GSAP: variants seen among roughly 807,000 people sequenced by gnomAD.
The protein encoded by GSAP is gamma-secretase activating protein.
GSAP carries 118 observed loss-of-function variants against 131.7 expected under a neutral mutation model. That is an observed-to-expected ratio of 0.90 (90% CI 0.77 to 1.04). The LOEUF (loss-of-function observed/expected upper bound fraction) is 1.04. GSAP is among the 50% of genes least tolerant of loss of function. GSAP has a pLI of 0.00. For synonymous variants in GSAP, 381 were observed against 363.4 expected, an observed-to-expected ratio of 1.05 and a Z score of -0.55; for missense variants, 1,019 against 1,013.2, an observed-to-expected ratio of 1.01 and a Z score of -0.08.
At position 77,325,391 on chromosome 7, in the gene GSAP, T is replaced by C. The variant is rs1053550191; in HGVS notation, c.1827+821A>G. 2.0e-5 allele frequency among the ~76,000 whole-genome samples: 3 copies of C among 152,356 alleles called. No homozygotes were observed. In the South Asian group the frequency reaches 6.2e-4, roughly 32 times the overall value. ...TTATCCCATTCTTAAGTCCACATGG[T>C]ATTAAAAAATATCTTATTAGGCTTT... On this transcript the variant is annotated intron_variant, in intron 23 of 30. Transcript: ENST00000257626.
intron 20 of GSAP, 53 bp from the exon 21 acceptor site, chr7:77,329,444 T>G (rs1352385320): frequency 3.0e-6 from 3 of 989,898 alleles, no homozygotes; most frequent in Non-Finnish European, 4.6e-6. Context: ...TATCGGTGAC[T>G]TTTCACGTCA....
chr7:77,323,566 G>C (rs1305539265), intron 24 of GSAP, 81 bp downstream of exon 24: 1 of 629,938 alleles, frequency 1.6e-6, no homozygotes, highest in Non-Finnish European at 2.8e-6. Flanking sequence ...ACACATAAAT[G>C]GGTTCCCTGC....
rs71085450 is a variant in GSAP at position 77,371,431 on chromosome 7, CTTTTTTTTT to C, written c.871+2630_871+2638del. ...CTCCAATCCGTCCTCCATCTTTTTT[CTTTTTTTTT>C]TTTTTTTTTTTTAAGACAGAGTCTT... On this transcript the variant is annotated intron_variant, in intron 12 of 30. Coordinates refer to ENST00000257626, the MANE Select transcript of GSAP (RefSeq NM_017439.4). Among the ~76,000 whole-genome samples, 19 of 142,982 alleles carry C rather than the reference CTTTTTTTTT, an allele frequency of 1.3e-4. 1 individual carries two copies. Among genetic ancestry groups the C allele is most frequent in the Admixed American group, 5.6e-4 (8 of 14,376 alleles). The allele number at this position is 142,982 out of a possible 152,430, so 93.8% of individuals were successfully genotyped here.
intron 19 of GSAP, among the ~76,000 whole-genome samples, chr7:77,340,478 A>T (rs1396683357): frequency 1.3e-5 from 2 of 152,146 alleles, no homozygotes; most frequent in Non-Finnish European, 2.9e-5. Context: ...CCTCAGACCA[A>T]CCAGCCCAAG....
rs753610221 is a variant in GSAP at position 77,375,041 on chromosome 7, A to T, written c.785+17T>A. On this transcript the variant is annotated intron_variant, in intron 11 of 30. Coordinates refer to ENST00000257626, the MANE Select transcript of GSAP (RefSeq NM_017439.4). Reference sequence around the variant, plus strand: ...CAAGTATCTATAAAAATTAGTAACAACCTATGAATAACTTACTTAAATCCT... The same window carrying T: ...CAAGTATCTATAAAAATTAGTAACATCCTATGAATAACTTACTTAAATCCT... 26 of 1,262,744 alleles carry T rather than the reference A, an allele frequency of 2.1e-5. No individual in the cohort carries two copies. The highest frequency in any genetic ancestry group is 2.7e-5 in the Non-Finnish European group (24 of 873,500). 78.2% of individuals were successfully genotyped at this position (1,262,744 alleles called of 1,614,324 possible). A position where few individuals can be genotyped will look rare whatever the true frequency, so the allele number is the denominator to read the frequency against.
intron 8 of GSAP, among the ~76,000 whole-genome samples, chr7:77,380,660 T>C (rs1489490288): frequency 6.6e-6 from 1 of 151,614 alleles, no homozygotes; most frequent in Admixed American, 6.6e-5. Flanking sequence ...AGATTAGTAT[T>C]AGTGTGGAAA....
chr7:77,397,428 A>G lies in GSAP; in HGVS notation c.244-13T>C, dbSNP rs750281066. On this transcript the variant is annotated splice_polypyrimidine_tract_variant and intron_variant, in intron 3 of 30. Coordinates refer to ENST00000257626, the MANE Select transcript of GSAP (RefSeq NM_017439.4). Reference sequence around the variant, plus strand: ...AGGTATATAGAAGCTATTAAAACAAAAATATTTTTTAATTTGAAGTTTCAT... The same window carrying G: ...AGGTATATAGAAGCTATTAAAACAAGAATATTTTTTAATTTGAAGTTTCAT... 6.9e-7 allele frequency: 1 copy of G among 1,451,646 alleles called. No homozygotes were observed. The highest frequency in any genetic ancestry group is 1.2e-5 in the South Asian group (1 of 83,420). 89.9% of individuals were successfully genotyped at this position (1,451,646 alleles called of 1,614,324 possible). A position where few individuals can be genotyped will look rare whatever the true frequency, so the allele number is the denominator to read the frequency against.
intron 22 of GSAP, chr7:77,328,204 G>A: frequency 1.0e-6 from 1 of 1,001,644 alleles, no homozygotes; most frequent in Non-Finnish European, 1.2e-6. Flanking sequence ...GGACCTGTGT[G>A]CCCAATTTTT....
intron 26 of GSAP, chr7:77,315,224 A>C (rs145183213): frequency 6.6e-6 from 1 of 152,410 alleles, no homozygotes; most frequent in Non-Finnish European, 1.5e-5. Flanking sequence ...AATTCCTATC[A>C]GTGGAAATGA....
At chr7:77,324,826 CTTTTTT>C (rs150930764) in intron 23 of GSAP, among the ~76,000 whole-genome samples, 3 of 97,312 alleles carry the variant, frequency 3.1e-5, no homozygotes, top group African/African-American at 8.8e-5. Context: ...GTTTGCCATA[CTTTTTT>C]TTTTTTTTTT....
chr7:77,318,980 G>T (rs1236097109), intron 26 of GSAP, among the ~76,000 whole-genome samples: 1 of 151,628 alleles, frequency 6.6e-6, no homozygotes, highest in African/African-American at 2.4e-5. Context: ...ATGAGTTAAT[G>T]GATGCAGCAT....
chr7:77,379,814 G>C, intron 8 of GSAP: 2 of 970,582 alleles, frequency 2.1e-6, no homozygotes, highest in Non-Finnish European at 2.4e-6. Flanking sequence ...AGCCCCTGCG[G>C]GACAATGGTA....
intron 16 of GSAP, among the ~76,000 whole-genome samples, chr7:77,353,926 G>A (rs79500123): frequency 0.038 from 5,796 of 152,170 alleles, 375 homozygotes; most frequent in African/African-American, 0.13. Context: ...AATAGGTCAT[G>A]TTATAGCAAA....
chr7:77,353,013 C>T lies in GSAP; in HGVS notation c.1422G>A (p.Trp474Ter). Residue 474 changes from tryptophan (W) to a stop codon, truncating the protein, a stop_gained, in exon 18 of 31, where the codon TGG becomes TGA. Coordinates refer to ENST00000257626, the MANE Select transcript of GSAP (RefSeq NM_017439.4). LOFTEE classifies it high-confidence loss of function. ...TGTTACTTGTCTCTGAATATACACT[C>T]CAGTATGAAGAAGCTGAGTAGATTT... ...IQEFIIASSYWSVYSETSNMD... is the reference protein window; with the variant it reads ...IQEFIIASSY 6.3e-7 allele frequency: 1 copy of T among 1,597,246 alleles called. No homozygotes were observed. The highest frequency in any genetic ancestry group is 8.6e-7 in the Non-Finnish European group (1 of 1,165,138).
intron 1 of GSAP, among the ~76,000 whole-genome samples, chr7:77,413,179 A>C (rs1000176532): frequency 6.6e-6 from 1 of 152,236 alleles, no homozygotes; most frequent in African/African-American, 2.4e-5. Context: ...GAAGGAAGCA[A>C]GTCCTGGTAG....
chr7:77,377,401 A>T lies in GSAP; in HGVS notation c.577-11T>A. ...AGAATTTTTAATCACCTAAAAATGC[A>T]AAAAAAAAAAAAAAAAAAAAAGTAT... On this transcript the variant is annotated splice_polypyrimidine_tract_variant and intron_variant, in intron 8 of 30. Transcript: ENST00000257626. 6.2e-5 allele frequency: 2 copies of T among 32,510 alleles called. No individual in the cohort carries two copies. Among genetic ancestry groups the T allele is most frequent in the South Asian group, 6.4e-4 (1 of 1,566 alleles). The allele number at this position is 32,510 out of a possible 1,614,324, so 2.0% of individuals were successfully genotyped here. A position where few individuals can be genotyped will look rare whatever the true frequency, so the allele number is the denominator to read the frequency against.
intron 28 of GSAP, among the ~76,000 whole-genome samples, chr7:77,312,425 C>T (rs191437460): frequency 1.0e-3 from 159 of 152,266 alleles, no homozygotes; most frequent in Admixed American, 2.2e-3. Context: ...GGTTTATACA[C>T]TGATGTTGCC....
intron 26 of GSAP, 154 bp from the exon 27 acceptor site, chr7:77,314,643 C>T: frequency 1.4e-6 from 1 of 715,588 alleles, no homozygotes; most frequent in African/African-American, 1.8e-5. Flanking sequence ...GTTTCCTTCT[C>T]TGTATTATTC....
At chr7:77,364,339 C>A (rs1421675738) in intron 12 of GSAP, among the ~76,000 whole-genome samples, 1 of 152,020 alleles carries the variant, frequency 6.6e-6, no homozygotes, top group African/African-American at 2.4e-5. Context: ...AGCAAACTAT[C>A]TGCACTCCAT....
Sources: gnomAD v4.1 joint callset for allele counts (sites outside exome capture counted in the v4.1 genomes callset) on GRCh38, gnomAD v4.1.1 for gene constraint, MANE v1.5 for transcripts, NCBI Gene and HGNC (gene_info 2026-07-23, HGNC 2026-07-21) for gene names.